Variants in ETV6 observed in about 807,000 individuals in gnomAD.
ETV6 encodes ETS variant transcription factor 6.
ETV6 carries 16 observed loss-of-function variants against 51.1 expected under a neutral mutation model. The ratio of observed to expected loss-of-function variants is 0.31; its 90% CI spans 0.21 to 0.48. The LOEUF (loss-of-function observed/expected upper bound fraction) is 0.48, where lower values mean the gene tolerates loss of function less well. Ranked by LOEUF, ETV6 falls within the 20% of genes least tolerant of loss-of-function variation. The probability of loss-of-function intolerance (pLI) is 0.99; values close to 1 mark genes in which losing one functional copy is unlikely to be tolerated. For missense variants in ETV6, 458 were observed against 594.8 expected (o/e 0.77, Z 2.39); for synonymous variants, 240 against 224.1 (o/e 1.07, Z -0.64).
intron 1 of ETV6, among the ~76,000 whole-genome samples, chr12:11,749,486 A>G (rs1865980624): frequency 6.6e-6 from 1 of 152,162 alleles, no homozygotes; most frequent in Non-Finnish European, 1.5e-5. Flanking sequence ...TGTGAGAGTA[A>G]AGAGGTTCCC....
intron 1 of ETV6, among the ~76,000 whole-genome samples, chr12:11,700,904 C>T (rs1042225157): frequency 6.6e-6 from 1 of 152,056 alleles, no homozygotes; most frequent in African/African-American, 2.4e-5. Context: ...GTTCGAGGGT[C>T]CACTGTATTT....
rs368134058 is a variant in ETV6, at chr12:11,783,830, G to C, written c.163+31251G>C. The stretch of plus-strand genomic sequence containing the variant: ...GAAACTCCCACTTCACAGCCTTTTT[G>C]TTTGTGGTTGGTTGTTTTTTTGTTT... On this transcript the variant is annotated intron_variant, in intron 2 of 7. Transcript: ENST00000396373. 7.2e-5 allele frequency among the ~76,000 whole-genome samples: 11 copies of C among 152,266 alleles called. No homozygotes were observed. In the East Asian group the frequency reaches 2.1e-3, roughly 29 times the overall value.
intron 2 of ETV6, 81 bp downstream of exon 2, chr12:11,752,660 G>A (rs1591650156): frequency 6.6e-7 from 1 of 1,524,968 alleles, no homozygotes; most frequent in Non-Finnish European, 8.8e-7. Context: ...AGGCCAGAGA[G>A]GGGCAAGCTC....
intron 5 of ETV6, among the ~76,000 whole-genome samples, chr12:11,879,376 G>T (rs1299511873): frequency 6.6e-6 from 1 of 152,136 alleles, no homozygotes; most frequent in Non-Finnish European, 1.5e-5. Flanking sequence ...AGTTTTTTAA[G>T]GCATCAGTTT....
At position 11,806,835 on chromosome 12, in the gene ETV6, C is replaced by T. The variant is rs549315939; in HGVS notation, c.164-32305C>T. The stretch of plus-strand genomic sequence containing the variant: ...TGGTAGTCCTCACACCTTTGCCGGA[C>T]AGCACCAAAAATCCTGCGGAGCTCA... On this transcript the variant is annotated intron_variant, in intron 2 of 7. Transcript: ENST00000396373. 9.8e-5 allele frequency among the ~76,000 whole-genome samples: 15 copies of T among 152,334 alleles called. No individual in the cohort carries two copies. In the South Asian group the frequency reaches 2.1e-3, roughly 21 times the overall value.
In ETV6 at chr12:11,891,369, GTTTTTGTT is replaced by G. The variant is rs1947284771; in HGVS notation, c.*326_*333del. 1 of 339,996 alleles carries G rather than the reference GTTTTTGTT, an allele frequency of 2.9e-6. No individual in the cohort carries two copies. Among genetic ancestry groups the G allele is most frequent in the African/African-American group, 2.1e-5 (1 of 47,428 alleles). The allele number at this position is 339,996 out of a possible 1,614,324, so 21.1% of individuals were successfully genotyped here. Reference sequence around the variant, plus strand: ...TTAGTATCATGGTGTTTTTGTTTTTGTTTTTGTTTTAAGAACCTGCAGTTTGACTCTTC... The same window carrying G: ...TTAGTATCATGGTGTTTTTGTTTTTGTTAAGAACCTGCAGTTTGACTCTTC... On this transcript the variant is annotated 3_prime_UTR_variant, in exon 8 of 8. Transcript: ENST00000396373.
At chr12:11,883,295 TTTTTTTTTTTTTTTTTG>T (rs1947133308) in intron 5 of ETV6, among the ~76,000 whole-genome samples, 1 of 131,554 alleles carries the variant, frequency 7.6e-6, no homozygotes, top group Non-Finnish European at 1.6e-5. Flanking sequence ...TTTTTTTTTT[TTTTTTTTTTTTTTTTTG>T]AGACTGAGTC....
chr12:11,714,393 A>G (rs1865231065), intron 1 of ETV6, among the ~76,000 whole-genome samples: 2 of 152,236 alleles, frequency 1.3e-5, no homozygotes, highest in African/African-American at 4.8e-5. Context: ...CCAAAGTGAT[A>G]GCTGACTAAT....
rs372845450 is a variant in ETV6 at position 11,732,082 on chromosome 12, G to T, written c.34-20368G>T. 7.9e-5 allele frequency among the ~76,000 whole-genome samples: 12 copies of T among 152,258 alleles called. No individual in the cohort carries two copies. In the South Asian group the frequency reaches 1.0e-3, roughly 13 times the overall value. ...CCTGCAGTCCTTACCTTAAATCTAG[G>T]CAGCTACCTTAAGAATTGACCTAGA... On this transcript the variant is annotated intron_variant, in intron 1 of 7. Transcript: ENST00000396373.
intron 2 of ETV6, among the ~76,000 whole-genome samples, chr12:11,810,439 G>A (rs1945896735): frequency 1.3e-5 from 2 of 152,328 alleles, no homozygotes; most frequent in South Asian, 4.1e-4. Context: ...GGTATGGAGG[G>A]TGCATGTGTG....
rs148444634 is a variant in ETV6, at chr12:11,892,715, G to A, written c.*1669G>A. ...TATGTGCCCTCAGCAGCAGCTCCCA[G>A]GTGAAGTTACCAGACCCCTGGGCTT... On this transcript the variant is annotated 3_prime_UTR_variant, in exon 8 of 8. Coordinates refer to ENST00000396373, the MANE Select transcript of ETV6 (RefSeq NM_001987.5). 2.4e-4 allele frequency: 57 copies of A among 233,116 alleles called. No homozygotes were observed. The East Asian group carries it at 3.3e-3, about 14-fold the overall frequency. 14.4% of individuals were successfully genotyped at this position (233,116 alleles called of 1,614,324 possible).
chr12:11,881,449 C>T (rs1454792263), intron 5 of ETV6, among the ~76,000 whole-genome samples: 1 of 152,196 alleles, frequency 6.6e-6, no homozygotes, highest in Non-Finnish European at 1.5e-5. Context: ...GCAATAGATA[C>T]GGATTGCTCC....
intron 2 of ETV6, among the ~76,000 whole-genome samples, chr12:11,779,183 C>G (rs1945377334): frequency 6.6e-6 from 1 of 152,136 alleles, no homozygotes; most frequent in African/African-American, 2.4e-5. Context: ...TGCATGCTTT[C>G]CCGAATAAGT....
At chr12:11,841,267 G>A (rs1565547032) in intron 3 of ETV6, among the ~76,000 whole-genome samples, 1 of 152,234 alleles carries the variant, frequency 6.6e-6, no homozygotes, top group Non-Finnish European at 1.5e-5. Flanking sequence ...TGTCAGGTGG[G>A]CCATGTGGAA....
chr12:11,773,288 T>C (rs911884383), intron 2 of ETV6, among the ~76,000 whole-genome samples: 10 of 151,284 alleles, frequency 6.6e-5, no homozygotes, highest in African/African-American at 2.4e-4. Flanking sequence ...TTTTTTTAAT[T>C]CAGCAAGAGC....
intron 2 of ETV6, among the ~76,000 whole-genome samples, chr12:11,803,311 T>A (rs890051776): frequency 6.6e-6 from 1 of 152,180 alleles, no homozygotes. Flanking sequence ...AGGAAGAAAT[T>A]TGTCCGCTGA....
chr12:11,654,506 G>T (rs568467156), intron 1 of ETV6, among the ~76,000 whole-genome samples: 1 of 152,224 alleles, frequency 6.6e-6, no homozygotes, highest in Admixed American at 6.5e-5. Flanking sequence ...AATAGGCTTC[G>T]CTCTCTCTGG....
At chr12:11,716,737 T>G (rs1185168790) in intron 1 of ETV6, 1 of 152,246 alleles carries the variant, frequency 6.6e-6, no homozygotes, top group Non-Finnish European at 1.5e-5. Flanking sequence ...GATTTTTCTT[T>G]CACATGGTAA....
intron 1 of ETV6, among the ~76,000 whole-genome samples, chr12:11,685,597 C>T (rs1864614006): frequency 6.6e-6 from 1 of 151,998 alleles, no homozygotes; most frequent in Non-Finnish European, 1.5e-5. Context: ...ACCAGCAATA[C>T]ACACACACGT....
Sources: gnomAD v4.1 joint callset for allele counts (sites outside exome capture counted in the v4.1 genomes callset) on GRCh38, gnomAD v4.1.1 for gene constraint, MANE v1.5 for transcripts, NCBI Gene and HGNC (gene_info 2026-07-23, HGNC 2026-07-21) for gene names.